The following PACRG variants were observed in gnomAD, a reference collection of about 807,000 sequenced individuals.
The protein encoded by PACRG is parkin coregulated gene protein.
Under a neutral mutation model 29.7 loss-of-function variants are expected in PACRG, and 29 were observed. The observed-to-expected ratio is 0.98, with a 90% CI of 0.73 to 1.33. PACRG has a LOEUF of 1.33. PACRG is among the 40% of genes most tolerant of loss of function. The pLI is 0.00. For missense variants in PACRG, 279 were observed against 316.2 expected (o/e 0.88, Z 0.89); for synonymous variants, 116 against 118.7 (o/e 0.98, Z 0.15).
intron 2 of PACRG, among the ~76,000 whole-genome samples, chr6:162,922,894 T>C (rs902235499): frequency 6.6e-6 from 1 of 152,226 alleles, no homozygotes; most frequent in African/African-American, 2.4e-5. Context: ...CTTTTCAGTA[T>C]ACTGATTTCC....
chr6:162,806,571 A>G (rs948247270), intron 1 of PACRG, among the ~76,000 whole-genome samples: 31 of 152,132 alleles, frequency 2.0e-4, no homozygotes, highest in Non-Finnish European at 2.9e-5. Context: ...AGCTTTGTCA[A>G]TGAGGAGAAT....
chr6:162,854,889 G>C (rs948663041), intron 2 of PACRG, among the ~76,000 whole-genome samples: 2 of 152,180 alleles, frequency 1.3e-5, no homozygotes, highest in Non-Finnish European at 2.9e-5. Flanking sequence ...AGTCCCTTTG[G>C]AGGTGCACAG....
At chr6:163,249,611 TA>T (rs1295955636) in intron 4 of PACRG, among the ~76,000 whole-genome samples, 2 of 152,190 alleles carry the variant, frequency 1.3e-5, no homozygotes, top group Non-Finnish European at 2.9e-5. Context: ...AGCAAGTTAT[TA>T]GATTCCATGG....
At chr6:162,906,418 T>C (rs930457950) in intron 2 of PACRG, among the ~76,000 whole-genome samples, 2 of 152,210 alleles carry the variant, frequency 1.3e-5, no homozygotes, top group African/African-American at 4.8e-5. Flanking sequence ...TGGTAAAAAC[T>C]AAATAATCAG....
intron 2 of PACRG, among the ~76,000 whole-genome samples, chr6:162,844,416 C>A (rs543306400): frequency 2.0e-5 from 3 of 152,360 alleles, no homozygotes; most frequent in Admixed American, 1.3e-4. Flanking sequence ...TGACCCCTTG[C>A]GCTTCCCAAG....
intron 2 of PACRG, among the ~76,000 whole-genome samples, chr6:162,972,853 A>G (rs1292111313): frequency 1.3e-5 from 2 of 149,118 alleles, no homozygotes; most frequent in Non-Finnish European, 2.9e-5. Context: ...GCTCTGATAG[A>G]TGAGAATTCT....
intron 4 of PACRG, among the ~76,000 whole-genome samples, chr6:163,239,972 TCACATA>T (rs1782421585): frequency 1.7e-5 from 2 of 116,466 alleles, no homozygotes; most frequent in South Asian, 3.0e-4. Context: ...ACTCCCATCG[TCACATA>T]CACATACACA....
At chr6:162,983,683 G>A (rs4615362) in intron 2 of PACRG, among the ~76,000 whole-genome samples, 63,011 of 151,804 alleles carry the variant, frequency 0.42, 13,391 homozygotes, top group East Asian at 0.7. Flanking sequence ...TCTGTTGTTA[G>A]TCTGATAGTT....
In PACRG at chr6:162,832,088, C is replaced by G. The variant is rs544447938; in HGVS notation, c.291+17807C>G. ...GGTCTTTGAGGAATCACCACACTGTCTTCCACAATGGTTGAACTAAATTAC... is the reference window on the plus strand; with the variant it reads ...GGTCTTTGAGGAATCACCACACTGTGTTCCACAATGGTTGAACTAAATTAC... On this transcript the variant is annotated intron_variant, in intron 2 of 4. Transcript: ENST00000366888. Among the ~76,000 whole-genome samples the G allele has an allele frequency of 7.9e-5, 12 of 152,320 alleles. No individual in the cohort carries two copies. The Middle Eastern group carries it at 0.01, about 130-fold the overall frequency.
chr6:162,745,582 T>C (rs1780930024), intron 1 of PACRG, among the ~76,000 whole-genome samples: 1 of 152,142 alleles, frequency 6.6e-6, no homozygotes, highest in Admixed American at 6.6e-5. Flanking sequence ...CTATGCGACA[T>C]TGAGGGAGTT....
chr6:163,161,275 A>G (rs1778545307), intron 4 of PACRG, among the ~76,000 whole-genome samples: 1 of 150,480 alleles, frequency 6.6e-6, no homozygotes, highest in Non-Finnish European at 1.5e-5. Flanking sequence ...TAAGGTTTTT[A>G]TCCCCACCGA....
chr6:163,094,838 T>C (rs1157482361), intron 4 of PACRG, among the ~76,000 whole-genome samples: 1 of 152,212 alleles, frequency 6.6e-6, no homozygotes, highest in Admixed American at 6.5e-5. Flanking sequence ...CTGGTTCACC[T>C]CTCTCATCTA....
At chr6:162,734,464 C>G (rs890013717) in intron 1 of PACRG, among the ~76,000 whole-genome samples, 12 of 151,970 alleles carry the variant, frequency 7.9e-5, no homozygotes, top group Non-Finnish European at 1.5e-4. Flanking sequence ...TATCAAACAT[C>G]TTCCTATCAA....
chr6:162,966,423 C>T (rs1409251756), intron 2 of PACRG, among the ~76,000 whole-genome samples: 3 of 151,890 alleles, frequency 2.0e-5, no homozygotes, highest in Non-Finnish European at 4.4e-5. Context: ...ACAGTAGTCA[C>T]TCCATCAATC....
At chr6:162,727,282 G>A (rs1406240659), upstream of PACRG, 3 of 318,992 alleles carry the variant, frequency 9.4e-6, no homozygotes, top group Non-Finnish European at 1.7e-5. Flanking sequence ...CCAGTGAGGT[G>A]AGGGGCGAAG....
At chr6:163,181,473 C>T (rs1301389825) in intron 4 of PACRG, among the ~76,000 whole-genome samples, 1 of 151,878 alleles carries the variant, frequency 6.6e-6, no homozygotes, top group Non-Finnish European at 1.5e-5. Context: ...TGAACTTGTT[C>T]CCAGTCTCTG....
chr6:162,847,022 CACTGCCGTGCTCCTCACGCTG>C (rs1229156886), intron 2 of PACRG, among the ~76,000 whole-genome samples: 1 of 129,482 alleles, frequency 7.7e-6, no homozygotes, highest in Admixed American at 7.7e-5. Context: ...ATGCCCCCCA[CACTGCCGTGCTCCTCACGCTG>C]ACTGCCGTGC....
At chr6:162,879,321 A>C (rs114721855) in intron 2 of PACRG, among the ~76,000 whole-genome samples, 54 of 152,360 alleles carry the variant, frequency 3.5e-4, no homozygotes, top group African/African-American at 1.2e-3. Context: ...CAGTAAAACT[A>C]TCCATGTAAC....
chr6:163,159,250 GAATA>G (rs149085603), intron 4 of PACRG, among the ~76,000 whole-genome samples: 10,004 of 149,546 alleles, frequency 0.067, 1,105 homozygotes, highest in African/African-American at 0.23. Context: ...TTTTAGCTAA[GAATA>G]AATACTGTTA....
Sources: allele counts gnomAD v4.1 joint callset (sites outside exome capture counted in the v4.1 genomes callset), GRCh38; gene constraint gnomAD v4.1.1; transcripts MANE v1.5; gene names NCBI Gene and HGNC (gene_info 2026-07-23, HGNC 2026-07-21).